The following RNLS variants were observed in gnomAD, a reference collection of about 807,000 sequenced individuals.
RNLS encodes the protein renalase, FAD dependent amine oxidase.
A neutral mutation model predicts 39.8 loss-of-function variants in RNLS; 39 were observed. That is an observed-to-expected ratio of 0.98 (90% confidence interval 0.76 to 1.28). RNLS has a LOEUF of 1.28. Ranked by LOEUF, RNLS falls within the 50% of genes most tolerant of loss-of-function variation. RNLS has a pLI of 0.00. For missense variants in RNLS, 410 were observed against 413.3 expected (o/e 0.99, Z 0.07); for synonymous variants, 147 against 150.7 (o/e 0.98, Z 0.18).
At chr10:88,393,485 G>C (rs890338580) in intron 4 of RNLS, among the ~76,000 whole-genome samples, 1 of 152,138 alleles carries the variant, frequency 6.6e-6, no homozygotes, top group Non-Finnish European at 1.5e-5. Flanking sequence ...CAACTTACAA[G>C]GGATGTGAAG....
intron 4 of RNLS, among the ~76,000 whole-genome samples, chr10:88,546,052 A>T (rs1848291097): frequency 6.6e-6 from 1 of 152,138 alleles, no homozygotes; most frequent in African/African-American, 2.4e-5. Flanking sequence ...GGATATTGAG[A>T]AAAATATATA....
chr10:88,286,704 A>C (rs996323085), intron 6 of RNLS, among the ~76,000 whole-genome samples: 1 of 152,140 alleles, frequency 6.6e-6, no homozygotes, highest in Non-Finnish European at 1.5e-5. Flanking sequence ...AAATCAGGAA[A>C]AAAAAATCAA....
chr10:88,382,096 C>G (rs1192727001), intron 4 of RNLS, among the ~76,000 whole-genome samples: 1 of 152,038 alleles, frequency 6.6e-6, no homozygotes, highest in Non-Finnish European at 1.5e-5. Context: ...TGCAGTGCTG[C>G]TGGGTACACT....
At chr10:88,416,530 G>C (rs1854041057) in intron 4 of RNLS, among the ~76,000 whole-genome samples, 1 of 152,194 alleles carries the variant, frequency 6.6e-6, no homozygotes, top group Non-Finnish European at 1.5e-5. Context: ...TGGGATTACA[G>C]GAGTGAGCCA....
At chr10:88,323,642 A>G (rs912405071) in intron 5 of RNLS, among the ~76,000 whole-genome samples, 2 of 152,206 alleles carry the variant, frequency 1.3e-5, no homozygotes, top group Non-Finnish European at 2.9e-5. Flanking sequence ...ACCTGCAACT[A>G]TAAAAATACT....
chr10:88,548,072 G>C (rs1217642929), intron 4 of RNLS, among the ~76,000 whole-genome samples: 2 of 150,662 alleles, frequency 1.3e-5, no homozygotes, highest in African/African-American at 2.4e-5. Context: ...AACTAGCCTG[G>C]GGAACGCGGT....
rs2078290708 is a variant in RNLS, at chr10:88,463,086, ATCTTT to A, written c.527-100366_527-100362del. Among the ~76,000 whole-genome samples the A allele has an allele frequency of 2.0e-5, 3 of 152,038 alleles. No individual in the cohort carries two copies. The South Asian group carries it at 6.2e-4, about 32-fold the overall frequency. On this transcript the variant is annotated intron_variant, in intron 4 of 6. Transcript: ENST00000331772. The stretch of plus-strand genomic sequence containing the variant: ...TTTAATGTCACTAAACAAAGCATTA[ATCTTT>A]TCTTAAGTAGACTGTGTTATGGGTT...
chr10:88,468,159 T>C (rs990023406), intron 4 of RNLS, among the ~76,000 whole-genome samples: 2 of 152,178 alleles, frequency 1.3e-5, no homozygotes, highest in Non-Finnish European at 2.9e-5. Flanking sequence ...TTAACCTCCT[T>C]AGAGAGCAAA....
intron 4 of RNLS, among the ~76,000 whole-genome samples, chr10:88,508,339 C>T (rs1307710680): frequency 6.6e-6 from 1 of 152,104 alleles, no homozygotes; most frequent in Non-Finnish European, 1.5e-5. Flanking sequence ...TTTTCCATGC[C>T]TTTATTTCCT....
chr10:88,262,833 G>A, the RNLS span, among the ~76,000 whole-genome samples: 18 of 152,212 alleles, frequency 1.2e-4, no homozygotes, highest in African/African-American at 3.4e-4. Context: ...TATGTGACTC[G>A]CGGGACATCT....
chr10:88,374,649 CAA>C lies in RNLS; in HGVS notation c.527-11926_527-11925del, dbSNP rs71927621. The stretch of plus-strand genomic sequence containing the variant: ...TATTTAAAGAACAAATTCCAAAGAT[CAA>C]ACTTTTCTCCCCACACTTGTGAGTG... On this transcript the variant is annotated intron_variant, in intron 4 of 6. Transcript: ENST00000331772. 2.6e-3 allele frequency among the ~76,000 whole-genome samples: 389 copies of C among 152,172 alleles called. 2 individuals carry two copies. Among genetic ancestry groups the C allele is most frequent in the African/African-American group, 8.9e-3 (369 of 41,522 alleles).
At chr10:88,243,416 T>C in the RNLS span, among the ~76,000 whole-genome samples, 1 of 152,138 alleles carries the variant, frequency 6.6e-6, no homozygotes, top group African/African-American at 2.4e-5. Context: ...AGTTTGGGAG[T>C]CTTGAGTTCC....
intron 4 of RNLS, among the ~76,000 whole-genome samples, chr10:88,365,496 C>T (rs533844457): frequency 6.8e-6 from 1 of 146,614 alleles, no homozygotes; most frequent in Non-Finnish European, 1.5e-5. Context: ...TCATTTAATT[C>T]TCAGCCAATA....
At chr10:88,401,235 C>G (rs1053885387) in intron 4 of RNLS, among the ~76,000 whole-genome samples, 1 of 151,968 alleles carries the variant, frequency 6.6e-6, no homozygotes, top group African/African-American at 2.4e-5. Context: ...AATCAACATG[C>G]TTTCCATAAA....
At chr10:88,579,791 G>T (rs1170052399) in intron 3 of RNLS, among the ~76,000 whole-genome samples, 1 of 152,158 alleles carries the variant, frequency 6.6e-6, no homozygotes, top group Non-Finnish European at 1.5e-5. Flanking sequence ...GCCATAGGAT[G>T]CCTACATATT....
At position 88,504,632 on chromosome 10, in the gene RNLS, C is replaced by A. The variant is rs933796400; in HGVS notation, c.526+68271G>T. ...AACAAAGAAACAATTGTAATACACT[C>A]TATATCAAGTTGATAATACAAACAA... On this transcript the variant is annotated intron_variant, in intron 4 of 6. Coordinates refer to ENST00000331772, the MANE Select transcript of RNLS (RefSeq NM_001031709.3). 2.6e-5 allele frequency among the ~76,000 whole-genome samples: 4 copies of A among 151,982 alleles called. No individual in the cohort carries two copies. In the East Asian group the frequency reaches 7.7e-4, roughly 29 times the overall value.
At chr10:88,406,892 T>A (rs1006511372) in intron 4 of RNLS, among the ~76,000 whole-genome samples, 5 of 152,070 alleles carry the variant, frequency 3.3e-5, no homozygotes. Flanking sequence ...ATTAACAGCA[T>A]CTGCAGTGAC....
the RNLS span, among the ~76,000 whole-genome samples, chr10:88,193,850 A>G: frequency 1.3e-5 from 2 of 152,180 alleles, no homozygotes; most frequent in South Asian, 4.1e-4. Flanking sequence ...AAAATTAGCT[A>G]AAACCAATTA....
chr10:88,342,020 G>C (rs1214877744), intron 5 of RNLS, among the ~76,000 whole-genome samples: 1 of 151,966 alleles, frequency 6.6e-6, no homozygotes, highest in Non-Finnish European at 1.5e-5. Context: ...TATTAGGTTG[G>C]TGCAAAAGTA....
Sources: allele counts gnomAD v4.1 joint callset (sites outside exome capture counted in the v4.1 genomes callset), GRCh38; gene constraint gnomAD v4.1.1; transcripts MANE v1.5; gene names NCBI Gene and HGNC (gene_info 2026-07-23, HGNC 2026-07-21).